The following DRD2 variants were observed in gnomAD, a reference collection of about 807,000 sequenced individuals.
DRD2 encodes dopamine receptor D2, also known as D(2) dopamine receptor.
A neutral mutation model predicts 38.0 loss-of-function variants in DRD2; 8 were observed. That is an observed-to-expected ratio of 0.21 (90% confidence interval 0.12 to 0.38). The LOEUF is 0.38. Among genes scored for constraint, DRD2 ranks in the 10% least tolerant of loss-of-function variants. The pLI, the probability that DRD2 is intolerant of heterozygous loss-of-function variation, is 1.00. For synonymous variants in DRD2, 230 were observed against 238.6 expected (o/e 0.96, Z 0.33); for missense variants, 403 against 607.7 (o/e 0.66, Z 3.54).
chr11:113,419,930 C>T lies in DRD2; in HGVS notation c.286-1794G>A, dbSNP rs915790382. ...TTCCTGGGAGCTCACATGGGGGCCC[C>T]GTACCAGGGCCTCTCTCCCAGCTCC... On this transcript the variant is annotated intron_variant, in intron 2 of 7. Coordinates refer to ENST00000362072, the MANE Select transcript of DRD2 (RefSeq NM_000795.4). 3.9e-5 allele frequency among the ~76,000 whole-genome samples: 6 copies of T among 152,320 alleles called. No homozygotes were observed. The East Asian group carries it at 7.7e-4, about 20-fold the overall frequency.
At chr11:113,437,494 T>A (rs1951049815) in intron 1 of DRD2, among the ~76,000 whole-genome samples, 1 of 152,132 alleles carries the variant, frequency 6.6e-6, no homozygotes, top group Non-Finnish European at 1.5e-5. Context: ...ATGAGCCTTA[T>A]AAAGAGGGAA....
intron 1 of DRD2, among the ~76,000 whole-genome samples, chr11:113,443,280 A>T (rs927531776): frequency 6.6e-6 from 1 of 151,926 alleles, no homozygotes; most frequent in Non-Finnish European, 1.5e-5. Flanking sequence ...TTCCTCTTCA[A>T]TTTCATAGTA....
chr11:113,415,656 C>G (rs1030596917), intron 4 of DRD2, 45 bp from the exon 5 acceptor site: 2 of 1,569,892 alleles, frequency 1.3e-6, no homozygotes, highest in African/African-American at 2.7e-5. Flanking sequence ...AGCGGGCCCA[C>G]CGGCCATAAT....
intron 1 of DRD2, among the ~76,000 whole-genome samples, chr11:113,433,636 T>A (rs1951009533): frequency 6.6e-6 from 1 of 152,204 alleles, no homozygotes; most frequent in Admixed American, 6.5e-5. Flanking sequence ...GGCTATGTTA[T>A]CTGCAGGGAA....
At chr11:113,418,252 T>C (rs954248271) in intron 2 of DRD2, 116 bp from the exon 3 acceptor site, 3 of 826,910 alleles carry the variant, frequency 3.6e-6, no homozygotes, top group Non-Finnish European at 6.1e-6. Context: ...GCTGCAAGTC[T>C]TGTGGGCATC....
chr11:113,470,868 C>T (rs1480317970), intron 1 of DRD2, among the ~76,000 whole-genome samples: 1 of 152,204 alleles, frequency 6.6e-6, no homozygotes, highest in African/African-American at 2.4e-5. Flanking sequence ...TCTCTGACTC[C>T]TCCCTATACA....
chr11:113,422,213 C>CA (rs1423337564), intron 2 of DRD2, among the ~76,000 whole-genome samples: 1 of 152,202 alleles, frequency 6.6e-6, no homozygotes, highest in Non-Finnish European at 1.5e-5. Flanking sequence ...ATAGGAAAGA[C>CA]AGAGTCCTCC....
rs776414391 is a variant in DRD2 at position 113,414,601 on chromosome 11, T to C, written c.724-140A>G. ...GGAGGGTGGGGGCCAGAGGAGGCAGTTGGGGCAAGGGGGAAGGCTGGAATG... is the reference window on the plus strand; with the variant it reads ...GGAGGGTGGGGGCCAGAGGAGGCAGCTGGGGCAAGGGGGAAGGCTGGAATG... On this transcript the variant is annotated intron_variant, in intron 5 of 7. Transcript: ENST00000362072. 25 of 834,220 alleles carry C rather than the reference T, an allele frequency of 3.0e-5. 1 individual carries two copies. The highest frequency in any genetic ancestry group is 1.5e-4 in the Admixed American group (8 of 51,908). 51.7% of individuals were successfully genotyped at this position (834,220 alleles called of 1,614,324 possible).
rs149410294 is a variant in DRD2, at chr11:113,412,632, G to A, written c.1062C>T (p.Ser354=). 20 of 1,614,078 alleles carry A rather than the reference G, an allele frequency of 1.2e-5. No homozygotes were observed. The highest frequency in any genetic ancestry group is 1.7e-5 in the Non-Finnish European group (20 of 1,180,052). ...GCTTCCTACGGCTCATGGTCTTGAGGGAGGTCCGGGTTTTGCCATTGGGCA... is the reference window on the plus strand; with the variant it reads ...GCTTCCTACGGCTCATGGTCTTGAGAGAGGTCCGGGTTTTGCCATTGGGCA... ...QTMPNGKTRT[S]LKTMSRRKLS... The change falls in exon 7 of 8, where the codon TCC becomes TCT. Residue 354 remains serine, a synonymous_variant. Coordinates refer to ENST00000362072, the MANE Select transcript of DRD2 (RefSeq NM_000795.4).
intron 1 of DRD2, among the ~76,000 whole-genome samples, chr11:113,468,631 T>G (rs891087846): frequency 6.6e-6 from 1 of 152,158 alleles, no homozygotes; most frequent in Non-Finnish European, 1.5e-5. Context: ...CACTGCAACC[T>G]CTACCTCCCA....
rs574767639 is a variant in DRD2 at position 113,414,144 on chromosome 11, G to A, written c.810+231C>T. ...TAGCCATTATTATCATTTTTATTAC[G>A]TTGGTATGGCCAACCATTTTCTCGT... On this transcript the variant is annotated intron_variant, in intron 6 of 7. Coordinates refer to ENST00000362072, the MANE Select transcript of DRD2 (RefSeq NM_000795.4). 4.3e-4 allele frequency: 254 copies of A among 592,502 alleles called. 4 individuals are homozygous for A. In the Admixed American group the frequency reaches 5.6e-3, roughly 13 times the overall value. The allele number at this position is 592,502 out of a possible 1,614,324, so 36.7% of individuals were successfully genotyped here. A position where few individuals can be genotyped will look rare whatever the true frequency, so the allele number is the denominator to read the frequency against.
intron 3 of DRD2, 31 bp downstream of exon 3, chr11:113,417,996 G>C (rs1950843201): frequency 6.3e-7 from 1 of 1,593,282 alleles, no homozygotes; most frequent in African/African-American, 1.3e-5. Flanking sequence ...TGAGTGGCCA[G>C]AGCAACCTCT....
chr11:113,449,563 G>A (rs1951189615), intron 1 of DRD2, among the ~76,000 whole-genome samples: 1 of 152,142 alleles, frequency 6.6e-6, no homozygotes, highest in African/African-American at 2.4e-5. Flanking sequence ...GCTTCCCCCT[G>A]AGCACATGCC....
At chr11:113,435,082 C>T (rs1297970963) in intron 1 of DRD2, among the ~76,000 whole-genome samples, 3 of 152,160 alleles carry the variant, frequency 2.0e-5, no homozygotes. Context: ...CTCAGGTGTC[C>T]CTGGGAGTGT....
In DRD2 at chr11:113,475,088, G is replaced by C. The variant is rs542315466; in HGVS notation, c.-44C>G. ...GGCCGGTGCTTACCTTCAAGCCATA[G>C]GGCGCCCGGGGGCAGAGACGGCGCC... On this transcript the variant is annotated 5_prime_UTR_variant, in exon 1 of 8. Transcript: ENST00000362072. 1 of 152,158 alleles carries C rather than the reference G, an allele frequency of 6.6e-6. No homozygotes were observed. Among genetic ancestry groups the C allele is most frequent in the Non-Finnish European group, 1.5e-5 (1 of 67,958 alleles). 9.4% of individuals were successfully genotyped at this position (152,158 alleles called of 1,614,324 possible).
chr11:113,441,142 A>T (rs546807854), intron 1 of DRD2, among the ~76,000 whole-genome samples: 4 of 152,318 alleles, frequency 2.6e-5, no homozygotes, highest in African/African-American at 7.2e-5. Context: ...ATGGATGCTG[A>T]AGTCATCTGA....
intron 1 of DRD2, among the ~76,000 whole-genome samples, chr11:113,472,759 T>A (rs769273001): frequency 3.3e-5 from 5 of 152,140 alleles, no homozygotes; most frequent in Non-Finnish European, 5.9e-5. Context: ...ACATGCATAA[T>A]GAAAGACAAT....
At chr11:113,437,427 G>A (rs1951049315) in intron 1 of DRD2, among the ~76,000 whole-genome samples, 1 of 152,118 alleles carries the variant, frequency 6.6e-6, no homozygotes, top group Admixed American at 6.5e-5. Context: ...GTGTCAGACT[G>A]GTGTCCACAG....
chr11:113,459,175 T>A (rs1951293578), intron 1 of DRD2, among the ~76,000 whole-genome samples: 1 of 152,236 alleles, frequency 6.6e-6, no homozygotes. Context: ...GTCACAGAGA[T>A]TAAAGCTGAT....
Sources: gnomAD v4.1 joint callset for allele counts (sites outside exome capture counted in the v4.1 genomes callset) on GRCh38, gnomAD v4.1.1 for gene constraint, MANE v1.5 for transcripts, NCBI Gene and HGNC (gene_info 2026-07-23, HGNC 2026-07-21) for gene names.